GNS: variants seen among roughly 807,000 people sequenced by gnomAD.
GNS encodes the protein N-acetylglucosamine-6-sulfatase.
Under a neutral mutation model 69.7 loss-of-function variants are expected in GNS, and 40 were observed. The observed-to-expected ratio is 0.57, with a 90% CI of 0.45 to 0.75. GNS has a LOEUF of 0.75. GNS is among the 30% of genes least tolerant of loss of function. The probability of loss-of-function intolerance (pLI) is 0.00; values close to 1 mark genes in which losing one functional copy is unlikely to be tolerated. For missense variants in GNS, 565 were observed against 685.5 expected (o/e 0.82, Z 1.96); for synonymous variants, 243 against 251.6 (o/e 0.97, Z 0.32).
chr12:64,716,839 T>C lies in GNS; in HGVS notation c.1581-20A>G, dbSNP rs763486351. ...CTGTATCTGGGGAGGAAAAACCAAA[T>C]GTAACATTAGCTCTCACTAGCTTCT... On this transcript the variant is annotated intron_variant, in intron 13 of 13. Transcript: ENST00000258145. 1.7e-5 allele frequency: 25 copies of C among 1,469,760 alleles called. No homozygotes were observed. Among genetic ancestry groups the C allele is most frequent in the Non-Finnish European group, 2.0e-5 (21 of 1,048,362 alleles). The allele number at this position is 1,469,760 out of a possible 1,614,324, so 91.0% of individuals were successfully genotyped here.
rs1372688031 is a variant in GNS at position 64,721,672 on chromosome 12, A to G, written c.1342T>C (p.Tyr448His). The change falls in exon 12 of 14, where the codon TAT (tyrosine) becomes CAT (histidine). Residue 448 changes from tyrosine to histidine, a missense_variant. By Grantham distance (83) the Tyr-to-His change is moderately conservative (BLOSUM62 2). Transcript: ENST00000258145. ...CFPDCVCEDA[Y>H]NNTYACVRTM... is the part of the protein sequence containing the mutation. ...CTCACACAGGCATAGGTATTGTTAT[A>G]AGCATCTTCACATACACAGTCTGGG... 3 of 1,583,904 alleles carry G rather than the reference A, an allele frequency of 1.9e-6. No individual in the cohort carries two copies. Among genetic ancestry groups the G allele is most frequent in the South Asian group, 1.1e-5 (1 of 90,446 alleles).
intron 9 of GNS, among the ~76,000 whole-genome samples, chr12:64,729,870 GAATATT>G (rs1300918267): frequency 3.9e-5 from 6 of 152,066 alleles, no homozygotes; most frequent in Non-Finnish European, 7.4e-5. Context: ...AAAAATATCT[GAATATT>G]AATATTTCAA....
In GNS at chr12:64,743,322, A is replaced by T; in HGVS notation, c.625-14T>A. ...GGAGACATTAGCCTGACACATAAAA[A>T]GATTTGTCATCTCCTACCTTACCCA... On this transcript the variant is annotated splice_polypyrimidine_tract_variant and intron_variant, in intron 5 of 13. Transcript: ENST00000258145. The T allele has an allele frequency of 6.3e-7, 1 of 1,594,370 alleles. No homozygotes were observed. The highest frequency in any genetic ancestry group is 1.1e-5 in the South Asian group (1 of 90,652).
chr12:64,731,542 A>C (rs1694724473), intron 9 of GNS, among the ~76,000 whole-genome samples: 1 of 152,220 alleles, frequency 6.6e-6, no homozygotes, highest in South Asian at 2.1e-4. Context: ...ATAATGGATA[A>C]AATGTCTCCT....
chr12:64,713,451 G>A lies in GNS; in HGVS notation c.*3290C>T, dbSNP rs1467111445. The A allele has an allele frequency of 6.5e-6, 1 of 152,714 alleles. No individual in the cohort carries two copies. Among genetic ancestry groups the A allele is most frequent in the East Asian group, 1.9e-4 (1 of 5,184 alleles). The allele number at this position is 152,714 out of a possible 1,614,324, so 9.5% of individuals were successfully genotyped here. ...TAAAACAAAGGACACATTCCCACTAGAACAGAAATAAATTTTAATTCATTG... is the reference window on the plus strand; with the variant it reads ...TAAAACAAAGGACACATTCCCACTAAAACAGAAATAAATTTTAATTCATTG... On this transcript the variant is annotated 3_prime_UTR_variant, in exon 14 of 14. Transcript: ENST00000258145.
intron 2 of GNS, among the ~76,000 whole-genome samples, chr12:64,748,538 G>GC (rs1158081058): frequency 3.9e-5 from 6 of 152,038 alleles, no homozygotes; most frequent in African/African-American, 1.2e-4. Context: ...AGGGGGCACA[G>GC]CATGGTGAGA....
At chr12:64,734,882 C>A (rs1001742883) in intron 9 of GNS, among the ~76,000 whole-genome samples, 1 of 152,174 alleles carries the variant, frequency 6.6e-6, no homozygotes, top group Non-Finnish European at 1.5e-5. Context: ...GCAGGCAGAT[C>A]ATGAGGTCAG....
At chr12:64,743,481 G>T (rs1282430060) in intron 5 of GNS, among the ~76,000 whole-genome samples, 173 bp from the exon 6 acceptor site, 1 of 152,180 alleles carries the variant, frequency 6.6e-6, no homozygotes, top group Non-Finnish European at 1.5e-5. Context: ...AAATATATTT[G>T]TTTTTTAGGC....
At chr12:64,727,060 G>A (rs1393451765) in intron 10 of GNS, among the ~76,000 whole-genome samples, 1 of 151,940 alleles carries the variant, frequency 6.6e-6, no homozygotes, top group African/African-American at 2.4e-5. Flanking sequence ...AAACCACAAT[G>A]AGATACTACT....
At chr12:64,728,070 C>A (rs1393605614) in intron 10 of GNS, among the ~76,000 whole-genome samples, 1 of 152,120 alleles carries the variant, frequency 6.6e-6, no homozygotes, top group Non-Finnish European at 1.5e-5. Flanking sequence ...ATTACAGGTG[C>A]CCGCCACCAT....
At chr12:64,720,408 G>A (rs1255196952) in intron 12 of GNS, among the ~76,000 whole-genome samples, 1 of 152,172 alleles carries the variant, frequency 6.6e-6, no homozygotes, top group Non-Finnish European at 1.5e-5. Context: ...CGGGTCTCTA[G>A]CCACATGCTA....
rs1868854479 is a variant in GNS, at chr12:64,716,274, T to C, written c.*467A>G. 9.1e-6 allele frequency: 2 copies of C among 220,542 alleles called. No homozygotes were observed. The highest frequency in any genetic ancestry group is 1.4e-4 in the South Asian group (2 of 13,936). The allele number at this position is 220,542 out of a possible 1,614,324, so 13.7% of individuals were successfully genotyped here. A position where few individuals can be genotyped will look rare whatever the true frequency, so the allele number is the denominator to read the frequency against. ...GATGGTTACTCTTCAAGCCATGTGA[T>C]GTTAGTATTTTTGATAGTGAAGTGC... On this transcript the variant is annotated 3_prime_UTR_variant, in exon 14 of 14. Coordinates refer to ENST00000258145, the MANE Select transcript of GNS (RefSeq NM_002076.4).
In GNS at chr12:64,715,588, G is replaced by A. The variant is rs1490688651; in HGVS notation, c.*1153C>T. 1 of 154,346 alleles carries A rather than the reference G, an allele frequency of 6.5e-6. No individual in the cohort carries two copies. The highest frequency in any genetic ancestry group is 2.4e-5 in the African/African-American group (1 of 41,508). The allele number at this position is 154,346 out of a possible 1,614,324, so 9.6% of individuals were successfully genotyped here. A position where few individuals can be genotyped will look rare whatever the true frequency, so the allele number is the denominator to read the frequency against. On this transcript the variant is annotated 3_prime_UTR_variant, in exon 14 of 14. Transcript: ENST00000258145. ...AACCTGAATAGATTTGATTTTGACAGGGGAATACTGATAATCATACAAGAC... is the reference window on the plus strand; with the variant it reads ...AACCTGAATAGATTTGATTTTGACAAGGGAATACTGATAATCATACAAGAC...
At chr12:64,731,798 C>T (rs1313793673) in intron 9 of GNS, among the ~76,000 whole-genome samples, 1 of 152,086 alleles carries the variant, frequency 6.6e-6, no homozygotes, top group African/African-American at 2.4e-5. Flanking sequence ...GGGCTGGGCA[C>T]AGTGGCTCTC....
intron 10 of GNS, among the ~76,000 whole-genome samples, chr12:64,723,877 A>G (rs963309559): frequency 7.2e-5 from 11 of 152,204 alleles, no homozygotes; most frequent in African/African-American, 2.7e-4. Context: ...GGCCCTGAAC[A>G]TCATGCTGCC....
intron 3 of GNS, among the ~76,000 whole-genome samples, chr12:64,746,662 G>A (rs1013781532): frequency 6.6e-6 from 1 of 152,146 alleles, no homozygotes; most frequent in African/African-American, 2.4e-5. Context: ...ATCCACTTAA[G>A]GCAGAATTTA....
intron 13 of GNS, among the ~76,000 whole-genome samples, chr12:64,717,266 G>A (rs574624612): frequency 6.6e-5 from 10 of 152,204 alleles, no homozygotes; most frequent in African/African-American, 2.2e-4. Flanking sequence ...AAAAGTGAAC[G>A]CTCTTGACTT....
chr12:64,721,461 A>AATTT lies in GNS; in HGVS notation c.1419+133_1419+134insAAAT, dbSNP rs997934696. The AATTT allele has an allele frequency of 1.6e-5, 11 of 701,322 alleles. 2 individuals are homozygous for AATTT. Among genetic ancestry groups the AATTT allele is most frequent in the Admixed American group, 6.1e-5 (3 of 49,542 alleles). The allele number at this position is 701,322 out of a possible 1,614,324, so 43.4% of individuals were successfully genotyped here. A position where few individuals can be genotyped will look rare whatever the true frequency, so the allele number is the denominator to read the frequency against. ...TGGCCTTACAACTGAAGGAAACCTA[A>AATTT]AGTGAAGCACAGATAAGAAACACAA... On this transcript the variant is annotated intron_variant, in intron 12 of 13. Coordinates refer to ENST00000258145, the MANE Select transcript of GNS (RefSeq NM_002076.4).
intron 10 of GNS, among the ~76,000 whole-genome samples, chr12:64,724,166 T>C (rs1869119899): frequency 6.6e-6 from 1 of 152,190 alleles, no homozygotes; most frequent in South Asian, 2.1e-4. Context: ...TAGTAAGAAC[T>C]CTTGGTGATT....
Sources: gnomAD v4.1 joint callset for allele counts (sites outside exome capture counted in the v4.1 genomes callset) on GRCh38, gnomAD v4.1.1 for gene constraint, MANE v1.5 for transcripts, NCBI Gene and HGNC (gene_info 2026-07-23, HGNC 2026-07-21) for gene names.